CDC40: variants seen among roughly 807,000 people sequenced by gnomAD.
CDC40 encodes the protein pre-mRNA-processing factor 17.
A neutral mutation model predicts 80.6 loss-of-function variants in CDC40; 27 were observed. The ratio of observed to expected loss-of-function variants is 0.33; its 90% CI spans 0.25 to 0.46. CDC40 has a LOEUF of 0.46. CDC40 is among the 20% of genes least tolerant of loss of function. The pLI is 1.00. For missense variants in CDC40, 486 were observed against 694.1 expected, an observed-to-expected ratio of 0.70 and a Z score of 3.37; for synonymous variants, 221 against 232.6, an observed-to-expected ratio of 0.95 and a Z score of 0.45.
Position 110,217,823 on chromosome 6 carries a change from A to G in CDC40, c.1090+20A>G. ...AGACAGGTAAGAGTTCACTTATGCT[A>G]ATACACATTCATCTTACAAGTTATT... On this transcript the variant is annotated intron_variant, in intron 10 of 14. Transcript: ENST00000307731. 1 of 1,152,114 alleles carries G rather than the reference A, an allele frequency of 8.7e-7. No homozygotes were observed. Among genetic ancestry groups the G allele is most frequent in the Non-Finnish European group, 1.3e-6 (1 of 761,344 alleles). 71.4% of individuals were successfully genotyped at this position (1,152,114 alleles called of 1,614,324 possible).
chr6:110,230,263 G>A lies in CDC40; in HGVS notation c.*132G>A. 1 of 590,144 alleles carries A rather than the reference G, an allele frequency of 1.7e-6. No individual in the cohort carries two copies. Among genetic ancestry groups the A allele is most frequent in the Non-Finnish European group, 2.9e-6 (1 of 346,732 alleles). The allele number at this position is 590,144 out of a possible 1,614,324, so 36.6% of individuals were successfully genotyped here. A position where few individuals can be genotyped will look rare whatever the true frequency, so the allele number is the denominator to read the frequency against. On this transcript the variant is annotated 3_prime_UTR_variant, in exon 15 of 15. Coordinates refer to ENST00000307731, the MANE Select transcript of CDC40 (RefSeq NM_015891.3). Reference sequence around the variant, plus strand: ...GACATTGACCCTTTGTTTAAAAAAAGAAACTGTAAATTTGACATAATTTCA... The same window carrying A: ...GACATTGACCCTTTGTTTAAAAAAAAAAACTGTAAATTTGACATAATTTCA...
In CDC40 at chr6:110,185,805, T is replaced by G. The variant is rs1777261578; in HGVS notation, c.189+5172T>G. 2.0e-5 allele frequency among the ~76,000 whole-genome samples: 3 copies of G among 152,280 alleles called. No individual in the cohort carries two copies. The South Asian group carries it at 6.2e-4, about 32-fold the overall frequency. ...ACATGTGAGGTGCAGCCATGGCAAT[T>G]TTTTTAAAAGTATAGTCATAAACAC... On this transcript the variant is annotated intron_variant, in intron 1 of 14. Coordinates refer to ENST00000307731, the MANE Select transcript of CDC40 (RefSeq NM_015891.3).
intron 9 of CDC40, among the ~76,000 whole-genome samples, chr6:110,216,532 C>A (rs1340011561): frequency 6.6e-6 from 1 of 152,132 alleles, no homozygotes; most frequent in Non-Finnish European, 1.5e-5. Context: ...ACTGGCAGAC[C>A]ATTTTTCTGT....
intron 9 of CDC40, among the ~76,000 whole-genome samples, chr6:110,215,732 T>C (rs1777691554): frequency 6.6e-6 from 1 of 152,164 alleles, no homozygotes; most frequent in African/African-American, 2.4e-5. Flanking sequence ...GAAAGCAACA[T>C]GATTTGAAGT....
At chr6:110,202,960 A>G (rs757800210) in intron 3 of CDC40, among the ~76,000 whole-genome samples, 3 of 152,218 alleles carry the variant, frequency 2.0e-5, no homozygotes, top group Non-Finnish European at 4.4e-5. Flanking sequence ...ATTTGGGGCT[A>G]TAGTATATTA....
intron 2 of CDC40, among the ~76,000 whole-genome samples, chr6:110,200,699 G>T (rs887852680): frequency 8.5e-5 from 13 of 152,058 alleles, no homozygotes; most frequent in African/African-American, 3.1e-4. Context: ...TCTAGCCCTG[G>T]TTCTGCCAAT....
chr6:110,186,433 A>T (rs1172779086), intron 1 of CDC40, among the ~76,000 whole-genome samples: 1 of 152,102 alleles, frequency 6.6e-6, no homozygotes, highest in Non-Finnish European at 1.5e-5. Flanking sequence ...GCAGTGAGCC[A>T]GAATCACGCC....
At chr6:110,221,605 C>T (rs941801696) in intron 12 of CDC40, among the ~76,000 whole-genome samples, 9 of 152,150 alleles carry the variant, frequency 5.9e-5, no homozygotes, top group South Asian at 2.1e-4. Context: ...CACCTTAGAT[C>T]ACTTGCACAA....
chr6:110,213,729 A>C (rs900653849), intron 8 of CDC40, among the ~76,000 whole-genome samples: 6 of 152,210 alleles, frequency 3.9e-5, no homozygotes, highest in African/African-American at 1.4e-4. Context: ...AGAAAGTAGA[A>C]AATGTAATTC....
intron 3 of CDC40, among the ~76,000 whole-genome samples, chr6:110,204,902 A>C (rs758927017): frequency 6.6e-6 from 1 of 151,906 alleles, no homozygotes; most frequent in Non-Finnish European, 1.5e-5. Context: ...CCTGGCCTCA[A>C]GTAATCTGCC....
chr6:110,198,271 G>A (rs963654183), intron 2 of CDC40, among the ~76,000 whole-genome samples: 5 of 150,532 alleles, frequency 3.3e-5, no homozygotes, highest in African/African-American at 1.2e-4. Flanking sequence ...TCCGTCTCCT[G>A]AGTTCAAGCG....
chr6:110,182,653 T>G (rs1053167383), intron 1 of CDC40, among the ~76,000 whole-genome samples: 1 of 152,198 alleles, frequency 6.6e-6, no homozygotes, highest in Non-Finnish European at 1.5e-5. Flanking sequence ...CTTCCTTATT[T>G]CTCCCAGGAG....
intron 13 of CDC40, among the ~76,000 whole-genome samples, chr6:110,226,818 A>G (rs1777868149): frequency 6.6e-6 from 1 of 152,128 alleles, no homozygotes; most frequent in Admixed American, 6.5e-5. Context: ...AGAGTTTGAG[A>G]CTAGCCTGGG....
At chr6:110,207,036 C>T (rs1385855950) in intron 3 of CDC40, among the ~76,000 whole-genome samples, 4 of 151,880 alleles carry the variant, frequency 2.6e-5, no homozygotes, top group Admixed American at 6.6e-5. Flanking sequence ...GCTCAGGGGC[C>T]GGGAGTGGTG....
At chr6:110,222,329 C>T (rs1243716182) in intron 12 of CDC40, among the ~76,000 whole-genome samples, 1 of 152,076 alleles carries the variant, frequency 6.6e-6, no homozygotes, top group Non-Finnish European at 1.5e-5. Flanking sequence ...GAGGCCGAGG[C>T]AGGCGGATCA....
intron 3 of CDC40, among the ~76,000 whole-genome samples, chr6:110,202,476 A>G (rs1425239554): frequency 1.3e-5 from 2 of 152,244 alleles, no homozygotes. Flanking sequence ...CTAACCTATA[A>G]TAAGAGACTT....
chr6:110,226,560 T>TCTCCC (rs958547265), intron 13 of CDC40, among the ~76,000 whole-genome samples: 3 of 151,832 alleles, frequency 2.0e-5, no homozygotes, highest in South Asian at 4.2e-4. Flanking sequence ...CCTCCTCTCC[T>TCTCCC]CTCCCCTCCC....
rs1584079321 is a variant in CDC40 at position 110,217,200 on chromosome 6, C to T, written c.989-502C>T. ...TCTATGAAATTTGGTAATGTGATCA[C>T]AGAAATATACAATTATTGAACAAGG... On this transcript the variant is annotated intron_variant, in intron 9 of 14. Coordinates refer to ENST00000307731, the MANE Select transcript of CDC40 (RefSeq NM_015891.3). Among the ~76,000 whole-genome samples the T allele has an allele frequency of 3.3e-5, 5 of 152,290 alleles. No individual in the cohort carries two copies. The South Asian group carries it at 1.0e-3, about 32-fold the overall frequency.
intron 3 of CDC40, among the ~76,000 whole-genome samples, chr6:110,203,797 G>C (rs1777522681): frequency 6.6e-6 from 1 of 152,100 alleles, no homozygotes; most frequent in South Asian, 2.1e-4. Context: ...CAGCCCCTCA[G>C]TGGTTGTGTG....
Sources: allele counts gnomAD v4.1 joint callset (sites outside exome capture counted in the v4.1 genomes callset), GRCh38; gene constraint gnomAD v4.1.1; transcripts MANE v1.5; gene names NCBI Gene and HGNC (gene_info 2026-07-23, HGNC 2026-07-21).